NDUFA10: variants seen among roughly 807,000 people sequenced by gnomAD.
NDUFA10 encodes NADH dehydrogenase [ubiquinone] 1 alpha subcomplex subunit 10, mitochondrial.
NDUFA10 carries 40 observed loss-of-function variants against 47.8 expected under a neutral mutation model. The ratio of observed to expected loss-of-function variants is 0.84; its 90% CI spans 0.65 to 1.09. The LOEUF (loss-of-function observed/expected upper bound fraction) is 1.09. Ranked by LOEUF, NDUFA10 falls within the 50% of genes least tolerant of loss-of-function variation. The pLI is 0.00. For missense variants in NDUFA10, 413 were observed against 451.1 expected (o/e 0.92, Z 0.76); for synonymous variants, 183 against 172.2 (o/e 1.06, Z -0.49).
At chr2:239,915,408 AC>A (rs1244961510) in intron 4 of NDUFA10, among the ~76,000 whole-genome samples, 4 of 54,212 alleles carry the variant, frequency 7.4e-5, no homozygotes, top group African/African-American at 3.1e-4. Flanking sequence ...CACACAGAAC[AC>A]ACACATACAC....
chr2:239,922,569 C>T (rs1239338471), intron 4 of NDUFA10, among the ~76,000 whole-genome samples: 2 of 152,194 alleles, frequency 1.3e-5, no homozygotes, highest in Non-Finnish European at 2.9e-5. Context: ...GAGGCGGTGT[C>T]ACCTGGGAAA....
intron 4 of NDUFA10, among the ~76,000 whole-genome samples, chr2:240,017,046 A>G (rs113855456): frequency 0.02 from 3,087 of 152,106 alleles, 76 homozygotes; most frequent in African/African-American, 0.06. Flanking sequence ...TGCCCAGTGC[A>G]GCCTCCCTGC....
intron 9 of NDUFA10, chr2:239,981,977 A>G (rs1695794406): frequency 1.8e-6 from 2 of 1,095,064 alleles, no homozygotes; most frequent in Non-Finnish European, 2.5e-6. Context: ...CTGCCATGAA[A>G]AGGCATCCAT....
At chr2:239,913,411 G>C (rs1003518487) in intron 4 of NDUFA10, among the ~76,000 whole-genome samples, 3 of 152,258 alleles carry the variant, frequency 2.0e-5, no homozygotes, top group African/African-American at 7.2e-5. Context: ...TGCCACGATG[G>C]GCGGGCTGGC....
chr2:239,949,577 G>A (rs947431144), intron 4 of NDUFA10, among the ~76,000 whole-genome samples: 2 of 152,174 alleles, frequency 1.3e-5, no homozygotes, highest in Non-Finnish European at 2.9e-5. Context: ...AGGCTGGAGT[G>A]CAAACTCCTG....
intron 6 of NDUFA10, among the ~76,000 whole-genome samples, chr2:240,008,030 C>G (rs1012655637): frequency 6.6e-6 from 1 of 152,180 alleles, no homozygotes; most frequent in African/African-American, 2.4e-5. Flanking sequence ...ACAATGGTAC[C>G]AAACAAACTT....
intron 4 of NDUFA10, among the ~76,000 whole-genome samples, chr2:239,927,689 G>A (rs976476549): frequency 6.6e-6 from 1 of 152,192 alleles, no homozygotes; most frequent in African/African-American, 2.4e-5. Flanking sequence ...AAATCACAGA[G>A]CTGCAGAACA....
chr2:240,014,967 C>T (rs1420794089), intron 4 of NDUFA10, 107 bp from the exon 5 acceptor site: 2 of 1,480,778 alleles, frequency 1.4e-6, no homozygotes, highest in Non-Finnish European at 1.9e-6. Context: ...ATTCTCAAAG[C>T]CACGTACCAA....
At chr2:239,929,582 C>A (rs1474223941) in intron 4 of NDUFA10, among the ~76,000 whole-genome samples, 1 of 151,978 alleles carries the variant, frequency 6.6e-6, no homozygotes, top group Non-Finnish European at 1.5e-5. Flanking sequence ...CAGCAAGCTG[C>A]CCTGCTCCTC....
chr2:239,989,734 TACAG>T (rs1212092286), intron 9 of NDUFA10, among the ~76,000 whole-genome samples: 1 of 152,200 alleles, frequency 6.6e-6, no homozygotes, highest in Non-Finnish European at 1.5e-5. Flanking sequence ...CCTCATTATT[TACAG>T]ACAAAGAGTA....
At chr2:239,954,013 G>A (rs1694606744), downstream of NDUFA10, among the ~76,000 whole-genome samples, 1 of 152,174 alleles carries the variant, frequency 6.6e-6, no homozygotes, top group African/African-American at 2.4e-5. Context: ...CGGGACCGCT[G>A]AGTGACCACC....
intron 5 of NDUFA10, chr2:240,013,499 C>G (rs1195621631): frequency 6.6e-6 from 1 of 152,188 alleles, no homozygotes; most frequent in African/African-American, 2.4e-5. Flanking sequence ...CACTGAGAAA[C>G]AAACATTTTG....
At chr2:239,929,925 TGCTCCTCCACTGC>T (rs1694133690) in intron 4 of NDUFA10, among the ~76,000 whole-genome samples, 1 of 150,088 alleles carries the variant, frequency 6.7e-6, no homozygotes. Context: ...CCACTGCCCC[TGCTCCTCCACTGC>T]CCCTGCTCCT....
chr2:239,905,361 G>A (rs1178346098), intron 4 of NDUFA10, among the ~76,000 whole-genome samples: 4 of 152,232 alleles, frequency 2.6e-5, no homozygotes. Context: ...AGGGCGTCTA[G>A]GTTCCAGGGA....
chr2:239,914,930 C>CAG (rs1180973282), intron 4 of NDUFA10, among the ~76,000 whole-genome samples: 1 of 147,474 alleles, frequency 6.8e-6, no homozygotes, highest in Non-Finnish European at 1.5e-5. Context: ...TATACAGATA[C>CAG]AGAGAGAGAC....
chr2:239,962,343 C>A (rs1050994574), intron 9 of NDUFA10, among the ~76,000 whole-genome samples: 1 of 152,200 alleles, frequency 6.6e-6, no homozygotes, highest in Non-Finnish European at 1.5e-5. Flanking sequence ...GCCATCCACA[C>A]AGCCATGGCT....
intron 4 of NDUFA10, among the ~76,000 whole-genome samples, chr2:239,932,500 T>C (rs1450511564): frequency 6.6e-6 from 1 of 152,032 alleles, no homozygotes; most frequent in Non-Finnish European, 1.5e-5. Context: ...CTTGCTATTT[T>C]AGAAAATGAA....
chr2:239,970,300 A>G (rs1458045294), intron 9 of NDUFA10, among the ~76,000 whole-genome samples: 1 of 152,228 alleles, frequency 6.6e-6, no homozygotes, highest in Non-Finnish European at 1.5e-5. Flanking sequence ...TCTATATCAA[A>G]AGAAAATACT....
At chr2:239,999,113 A>C (rs1435687465) in intron 8 of NDUFA10, among the ~76,000 whole-genome samples, 7 of 152,282 alleles carry the variant, frequency 4.6e-5, no homozygotes, top group Non-Finnish European at 2.9e-5. Flanking sequence ...CGGGGACTCC[A>C]GGAATTCTGT....
Sources: allele counts gnomAD v4.1 joint callset (sites outside exome capture counted in the v4.1 genomes callset), GRCh38; gene constraint gnomAD v4.1.1; transcripts MANE v1.5; gene names NCBI Gene and HGNC (gene_info 2026-07-23, HGNC 2026-07-21).